ZNF568: variants seen among roughly 807,000 people sequenced by gnomAD.
ZNF568 encodes the protein p53 inhibitor of SCO2 activation.
ZNF568 carries 11 observed loss-of-function variants against 18.1 expected under a neutral mutation model. The ratio of observed to expected loss-of-function variants is 0.61; its 90% CI spans 0.38 to 1.00. The LOEUF (loss-of-function observed/expected upper bound fraction) is 1.00, where lower values mean the gene tolerates loss of function less well. Ranked by LOEUF, ZNF568 falls within the 50% of genes least tolerant of loss-of-function variation. The pLI is 0.01. For missense variants in ZNF568, 639 were observed against 768.2 expected (o/e 0.83, Z 1.99); for synonymous variants, 213 against 246.6 (o/e 0.86, Z 1.28).
intron 4 of ZNF568, among the ~76,000 whole-genome samples, chr19:36,928,907 ATAAATTGTCTT>A (rs6146519): frequency 0.33 from 50,059 of 151,874 alleles, 8,506 homozygotes; most frequent in Non-Finnish European, 0.36. Flanking sequence ...TTAAATTAAT[ATAAATTGTCTT>A]TAACCTACAT....
At chr19:36,957,090 T>C (rs1313167530), downstream of ZNF568, among the ~76,000 whole-genome samples, 2 of 152,128 alleles carry the variant, frequency 1.3e-5, no homozygotes. Context: ...CATATCTGCT[T>C]CTACATTCAG....
chr19:36,921,312 T>C (rs757989729), intron 2 of ZNF568, among the ~76,000 whole-genome samples: 25 of 152,072 alleles, frequency 1.6e-4, no homozygotes, highest in Non-Finnish European at 2.6e-4. Flanking sequence ...AAATACAAAA[T>C]TAGCCGGGCG....
intron 4 of ZNF568, 192 bp from the exon 5 acceptor site, chr19:36,936,554 A>G (rs2073793620): frequency 2.3e-6 from 1 of 441,196 alleles, no homozygotes; most frequent in Non-Finnish European, 4.0e-6. Flanking sequence ...TCTTGAATGT[A>G]TAATGTTTTT....
At chr19:36,926,929 C>T (rs1414655051) in intron 4 of ZNF568, among the ~76,000 whole-genome samples, 2 of 152,084 alleles carry the variant, frequency 1.3e-5, no homozygotes, top group Non-Finnish European at 2.9e-5. Flanking sequence ...CCACACTCTA[C>T]GATACTGTAC....
At chr19:36,967,980 A>T (rs999544313) in intron 6 of ZNF568, among the ~76,000 whole-genome samples, 3 of 152,188 alleles carry the variant, frequency 2.0e-5, no homozygotes, top group Non-Finnish European at 4.4e-5. Context: ...GTGGTGTTGT[A>T]GTTTCTTGTG....
intron 2 of ZNF568, chr19:36,991,058 T>G: frequency 9.2e-7 from 1 of 1,091,270 alleles, no homozygotes; most frequent in Non-Finnish European, 1.3e-6. Flanking sequence ...AAGGAGCCAG[T>G]ATGGCCTGTT....
At chr19:36,956,693 C>T (rs2074110219), downstream of ZNF568, among the ~76,000 whole-genome samples, 1 of 151,802 alleles carries the variant, frequency 6.6e-6, no homozygotes, top group African/African-American at 2.4e-5. Flanking sequence ...GCCTCCCAGG[C>T]TCAAGCGATT....
downstream of ZNF568, among the ~76,000 whole-genome samples, chr19:36,982,231 A>G (rs1180796714): frequency 2.0e-5 from 3 of 152,148 alleles, no homozygotes; most frequent in African/African-American, 4.8e-5. Context: ...AATGGTGAAT[A>G]TGGGCACCCT....
chr19:36,928,617 C>G (rs1343764328), intron 4 of ZNF568, among the ~76,000 whole-genome samples: 1 of 152,004 alleles, frequency 6.6e-6, no homozygotes, highest in African/African-American at 2.4e-5. Flanking sequence ...ATTATGATAT[C>G]TAAGTGATAC....
intron 7 of ZNF568, among the ~76,000 whole-genome samples, chr19:36,976,152 C>G (rs1164266410): frequency 6.6e-6 from 1 of 152,128 alleles, no homozygotes; most frequent in Non-Finnish European, 1.5e-5. Context: ...TTAAGTCACC[C>G]CATCCGTGGT....
intron 2 of ZNF568, among the ~76,000 whole-genome samples, chr19:36,919,166 T>C (rs1406668292): frequency 6.6e-6 from 1 of 152,228 alleles, no homozygotes; most frequent in Non-Finnish European, 1.5e-5. Context: ...TTTTAATCTT[T>C]GATTGTCATA....
intron 4 of ZNF568, among the ~76,000 whole-genome samples, chr19:36,995,568 T>A (rs2074463156): frequency 6.6e-6 from 1 of 152,204 alleles, no homozygotes; most frequent in African/African-American, 2.4e-5. Flanking sequence ...ACAATTGGTA[T>A]TGTGGTATTT....
intron 6 of ZNF568, among the ~76,000 whole-genome samples, chr19:36,946,745 C>T (rs2073973034): frequency 6.7e-6 from 1 of 148,922 alleles, no homozygotes; most frequent in Admixed American, 6.8e-5. Context: ...CTCCGCCTCC[C>T]AGGTTCACGC....
rs763704217 is a variant in ZNF568, at chr19:36,950,659, TGCATGTACA to T, written c.1508_1516del (p.Ala503_Thr505del). On this transcript the variant is annotated inframe_deletion, in exon 7 of 7. Coordinates refer to ENST00000333987, the MANE Select transcript of ZNF568 (RefSeq NM_198539.4). Reference sequence around the variant, plus strand: ...GAATTCATACGGGTGAGAAACCCTATGCATGTACAGTATGTGGAAAAGCCTTTAGTCAGA... The same window carrying T: ...GAATTCATACGGGTGAGAAACCCTATGTATGTGGAAAAGCCTTTAGTCAGA... 6.2e-7 allele frequency: 1 copy of T among 1,613,972 alleles called. No homozygotes were observed. Among genetic ancestry groups the T allele is most frequent in the East Asian group, 2.2e-5 (1 of 44,852 alleles).
chr19:36,993,347 T>G (rs1210507473), intron 4 of ZNF568, among the ~76,000 whole-genome samples: 1 of 152,210 alleles, frequency 6.6e-6, no homozygotes, highest in Non-Finnish European at 1.5e-5. Context: ...GTTTGGTCTT[T>G]TTTGTTGAAG....
chr19:36,968,543 C>CAAA (rs59549359), intron 6 of ZNF568, among the ~76,000 whole-genome samples: 1 of 94,004 alleles, frequency 1.1e-5, no homozygotes, highest in Admixed American at 1.2e-4. Context: ...ACTCTGTCTC[C>CAAA]AAAAAAAAAA....
chr19:36,927,903 A>ATGTTTTTT (rs1568381621), intron 4 of ZNF568, among the ~76,000 whole-genome samples: 1 of 26,604 alleles, frequency 3.8e-5, no homozygotes. Context: ...ATATATATAT[A>ATGTTTTTT]TTTTTTTTTT....
At chr19:36,989,027 G>A (rs542017105) in intron 2 of ZNF568, among the ~76,000 whole-genome samples, 2 of 152,256 alleles carry the variant, frequency 1.3e-5, no homozygotes, top group East Asian at 3.9e-4. Context: ...GGTAACTACT[G>A]TTCTGCTCTC....
chr19:36,954,200 G>A (rs1003064158), downstream of ZNF568, among the ~76,000 whole-genome samples: 1 of 152,122 alleles, frequency 6.6e-6, no homozygotes, highest in Non-Finnish European at 1.5e-5. Context: ...ACTTCAGCCT[G>A]GGCGACACAG....
Sources: allele counts gnomAD v4.1 joint callset (sites outside exome capture counted in the v4.1 genomes callset), GRCh38; gene constraint gnomAD v4.1.1; transcripts MANE v1.5; gene names NCBI Gene and HGNC (gene_info 2026-07-23, HGNC 2026-07-21).